Variants in MXI1 observed in about 807,000 individuals in gnomAD.
The protein encoded by MXI1 is MAX interactor 1, dimerization protein.
Under a neutral mutation model 36.9 loss-of-function variants are expected in MXI1, and 18 were observed. That is an observed-to-expected ratio of 0.49 (90% CI 0.34 to 0.72). The LOEUF (loss-of-function observed/expected upper bound fraction) is 0.72, where lower values mean the gene tolerates loss of function less well. MXI1 is among the 30% of genes least tolerant of loss of function. The probability of loss-of-function intolerance (pLI) is 0.01; values close to 1 mark genes in which losing one functional copy is unlikely to be tolerated. For missense variants in MXI1, 304 were observed against 379.1 expected, an observed-to-expected ratio of 0.80 and a Z score of 1.64; for synonymous variants, 160 against 146.7, an observed-to-expected ratio of 1.09 and a Z score of -0.65.
intron 3 of MXI1, among the ~76,000 whole-genome samples, chr10:110,249,243 A>G (rs941025118): frequency 6.6e-6 from 1 of 152,206 alleles, no homozygotes; most frequent in African/African-American, 2.4e-5. Flanking sequence ...CTGAAAAGAC[A>G]TTCCTGAAGT....
At chr10:110,245,873 A>G (rs1477681181) in intron 3 of MXI1, 1 of 152,172 alleles carries the variant, frequency 6.6e-6, no homozygotes, top group African/African-American at 2.4e-5. Flanking sequence ...AGAGTATGGA[A>G]TGGAGTCAAT....
intron 1 of MXI1, chr10:110,208,322 G>C: frequency 2.5e-6 from 1 of 395,670 alleles, no homozygotes; most frequent in South Asian, 3.0e-5. Context: ...TCTCCGGCGG[G>C]CTGGGGCTGG....
Position 110,273,227 on chromosome 10 carries a change from T to G in MXI1, c.438-5953T>G, listed in dbSNP as rs187909500. 4.3e-3 allele frequency among the ~76,000 whole-genome samples: 648 copies of G among 152,018 alleles called. 7 individuals are homozygous for G. The highest frequency in any genetic ancestry group is 0.015 in the African/African-American group (630 of 41,458). ...CACGCCTGGCTAATTTTTTGTGTTTTTAGTAGAGATGGGGTTTCACCGTGT... is the reference window on the plus strand; with the variant it reads ...CACGCCTGGCTAATTTTTTGTGTTTGTAGTAGAGATGGGGTTTCACCGTGT... On this transcript the variant is annotated intron_variant, in intron 3 of 5. Coordinates refer to ENST00000332674, the MANE Select transcript of MXI1 (RefSeq NM_130439.3).
intron 1 of MXI1, among the ~76,000 whole-genome samples, chr10:110,210,030 T>G (rs948671967): frequency 5.4e-5 from 1 of 18,524 alleles, no homozygotes; most frequent in Non-Finnish European, 1.0e-4. Context: ...GACCTCCCCC[T>G]GCCCCACCCC....
chr10:110,208,310 C>T (rs1854413740), intron 1 of MXI1: 1 of 419,604 alleles, frequency 2.4e-6, no homozygotes, highest in Admixed American at 5.0e-5. Flanking sequence ...GTCGGTCTGT[C>T]CTCTCCGGCG....
rs150467951 is a variant in MXI1, at chr10:110,225,026, C to T, written c.275-3163C>T. ...AGGAGAGCATAAGAGAAAACATCAT[C>T]ATCGCTTCTATTTACTGAGTGCCTA... On this transcript the variant is annotated intron_variant, in intron 1 of 5. Transcript: ENST00000332674. Among the ~76,000 whole-genome samples, 316 of 152,288 alleles carry T rather than the reference C, an allele frequency of 2.1e-3. 2 individuals carry two copies. Among genetic ancestry groups the T allele is most frequent in the Middle Eastern group, 0.014 (4 of 294 alleles).
At chr10:110,213,649 G>A (rs934887439) in intron 1 of MXI1, among the ~76,000 whole-genome samples, 3 of 152,212 alleles carry the variant, frequency 2.0e-5, no homozygotes, top group Non-Finnish European at 4.4e-5. Context: ...AAAGGGGACA[G>A]GGCCTTGGAA....
chr10:110,208,744 C>CT (rs1220198209), intron 1 of MXI1, among the ~76,000 whole-genome samples: 1 of 148,304 alleles, frequency 6.7e-6, no homozygotes, highest in Admixed American at 6.6e-5. Flanking sequence ...ACCGCCGCCC[C>CT]CCCCCCCCCA....
At position 110,273,699 on chromosome 10, in the gene MXI1, C is replaced by T. The variant is rs183808806; in HGVS notation, c.438-5481C>T. 1.8e-3 allele frequency among the ~76,000 whole-genome samples: 279 copies of T among 152,310 alleles called. 1 individual carries two copies. The highest frequency in any genetic ancestry group is 0.014 in the Middle Eastern group (4 of 294). ...TCATGAGAGGACTCATAGTTCATTA[C>T]GTAACATTCAGCAGAGCGGAAAATA... is the stretch of plus-strand genomic sequence containing the variant. On this transcript the variant is annotated intron_variant, in intron 3 of 5. Transcript: ENST00000332674.
rs527629752 is a variant in MXI1, at chr10:110,279,756, A to G, written c.553-158A>G. On this transcript the variant is annotated intron_variant, in intron 4 of 5. Transcript: ENST00000332674. ...TTTTTATTTTTAAAAATATGTATTT[A>G]TATGCATTCTCATTTTGGAGGCTTT... Among the ~76,000 whole-genome samples, 7 of 152,352 alleles carry G rather than the reference A, an allele frequency of 4.6e-5. No homozygotes were observed. The East Asian group carries it at 1.2e-3, about 25-fold the overall frequency.
intron 2 of MXI1, among the ~76,000 whole-genome samples, chr10:110,243,752 A>C (rs111803330): frequency 0.052 from 7,986 of 152,254 alleles, 322 homozygotes; most frequent in Middle Eastern, 0.15. Context: ...GCTATTTAGC[A>C]TAAACCTGTT....
chr10:110,270,773 C>T (rs1191210074), intron 3 of MXI1, among the ~76,000 whole-genome samples: 3 of 151,988 alleles, frequency 2.0e-5, no homozygotes. Context: ...AGCTGCAGTT[C>T]TTAAACCCTT....
At chr10:110,225,999 C>T in intron 1 of MXI1, 1 of 983,192 alleles carries the variant, frequency 1.0e-6, no homozygotes, top group Non-Finnish European at 1.2e-6. Flanking sequence ...GAGAGGTAAA[C>T]AAACCACGCG....
intron 5 of MXI1, among the ~76,000 whole-genome samples, chr10:110,284,141 T>G (rs1346305197): frequency 1.3e-5 from 2 of 152,026 alleles, no homozygotes; most frequent in African/African-American, 4.8e-5. Flanking sequence ...GGTGTTTTTT[T>G]TTTTTAATGT....
intron 3 of MXI1, among the ~76,000 whole-genome samples, chr10:110,264,578 C>G (rs1856625074): frequency 6.6e-6 from 1 of 151,876 alleles, no homozygotes; most frequent in African/African-American, 2.4e-5. Flanking sequence ...GTTGGCCAGG[C>G]TGGTCTCAAA....
At chr10:110,226,228 G>T in intron 1 of MXI1, 3 of 1,499,140 alleles carry the variant, frequency 2.0e-6, no homozygotes, top group Non-Finnish European at 2.7e-6. Flanking sequence ...GGGTGAAGAT[G>T]ATCAACGTGC....
chr10:110,231,192 C>A (rs910471942), intron 2 of MXI1, among the ~76,000 whole-genome samples: 1 of 152,096 alleles, frequency 6.6e-6, no homozygotes, highest in African/African-American at 2.4e-5. Context: ...CATGATGAAA[C>A]CCTGTCTCTA....
intron 1 of MXI1, chr10:110,210,230 C>A (rs937756500): frequency 1.6e-5 from 16 of 984,736 alleles, no homozygotes; most frequent in Non-Finnish European, 1.7e-5. Flanking sequence ...TCCTCCCAGC[C>A]CATCGCCCGA....
At chr10:110,284,699 A>C in intron 5 of MXI1, 125 bp from the exon 6 acceptor site, 3 of 920,832 alleles carry the variant, frequency 3.3e-6, no homozygotes, top group Non-Finnish European at 4.7e-6. Flanking sequence ...TCTGTTCTCC[A>C]GACATCACTG....
Sources: gnomAD v4.1 joint callset for allele counts (sites outside exome capture counted in the v4.1 genomes callset) on GRCh38, gnomAD v4.1.1 for gene constraint, MANE v1.5 for transcripts, NCBI Gene and HGNC (gene_info 2026-07-23, HGNC 2026-07-21) for gene names.